The following AP3B1 variants were observed in gnomAD, a reference collection of about 807,000 sequenced individuals.
The protein encoded by AP3B1 is adaptor related protein complex 3 subunit beta 1, also known as AP-3 complex subunit beta-1.
AP3B1 carries 61 observed loss-of-function variants against 132.5 expected under a neutral mutation model. The ratio of observed to expected loss-of-function variants is 0.46; its 90% CI spans 0.37 to 0.57. The LOEUF (loss-of-function observed/expected upper bound fraction) is 0.57. AP3B1 is among the 20% of genes least tolerant of loss of function. AP3B1 has a pLI of 0.00. For synonymous variants in AP3B1, 388 were observed against 438.3 expected (o/e 0.89, Z 1.43); for missense variants, 1,120 against 1,289.4 (o/e 0.87, Z 2.01).
chr5:78,099,526 T>A (rs547052890), intron 21 of AP3B1, among the ~76,000 whole-genome samples: 210 of 152,242 alleles, frequency 1.4e-3, no homozygotes, highest in African/African-American at 4.6e-3. Flanking sequence ...AGCCATTAAA[T>A]TCAAGGGTTT....
At chr5:78,244,028 G>C (rs578060919) in intron 2 of AP3B1, among the ~76,000 whole-genome samples, 1 of 152,176 alleles carries the variant, frequency 6.6e-6, no homozygotes. Context: ...TTATGCAGAG[G>C]AAAGATAGTG....
chr5:78,260,750 G>C (rs978484002), intron 2 of AP3B1, among the ~76,000 whole-genome samples: 8 of 152,086 alleles, frequency 5.3e-5, no homozygotes, highest in African/African-American at 1.9e-4. Context: ...ATTTTTGAAA[G>C]ACAAGCTCCC....
At chr5:78,131,434 A>T (rs1752683519) in intron 15 of AP3B1, among the ~76,000 whole-genome samples, 1 of 152,094 alleles carries the variant, frequency 6.6e-6, no homozygotes, top group African/African-American at 2.4e-5. Flanking sequence ...ATCCTACTGA[A>T]TGAAGAATAG....
At chr5:78,118,218 C>G (rs901934927) in intron 17 of AP3B1, among the ~76,000 whole-genome samples, 46 of 152,276 alleles carry the variant, frequency 3.0e-4, no homozygotes, top group African/African-American at 1.1e-3. Flanking sequence ...GCCAAGATGG[C>G]CGAATAGGAA....
chr5:78,076,092 TAATA>T (rs1749755731), intron 22 of AP3B1, among the ~76,000 whole-genome samples: 1 of 152,218 alleles, frequency 6.6e-6, no homozygotes, highest in Non-Finnish European at 1.5e-5. Context: ...AAATATCAAA[TAATA>T]GTGTTTATGT....
At chr5:78,146,716 T>A (rs1753415860) in intron 14 of AP3B1, among the ~76,000 whole-genome samples, 1 of 152,172 alleles carries the variant, frequency 6.6e-6, no homozygotes, top group Non-Finnish European at 1.5e-5. Context: ...AAAATGGTGA[T>A]CTTTATAACT....
chr5:78,014,627 A>G (rs2112052380), intron 26 of AP3B1, among the ~76,000 whole-genome samples: 1 of 152,278 alleles, frequency 6.6e-6, no homozygotes, highest in African/African-American at 2.4e-5. Flanking sequence ...ATTGATAATT[A>G]TATAAGAAAG....
chr5:78,273,014 T>C (rs567375486), intron 1 of AP3B1, among the ~76,000 whole-genome samples: 1 of 152,280 alleles, frequency 6.6e-6, no homozygotes, highest in East Asian at 1.9e-4. Context: ...CTGAAATACA[T>C]ACATATACAC....
chr5:78,184,918 A>G (rs1744541314), intron 7 of AP3B1, among the ~76,000 whole-genome samples: 1 of 152,222 alleles, frequency 6.6e-6, no homozygotes, highest in Non-Finnish European at 1.5e-5. Flanking sequence ...AACAGCACAC[A>G]TTATAGTAAA....
intron 15 of AP3B1, among the ~76,000 whole-genome samples, chr5:78,140,319 C>T (rs956705305): frequency 3.3e-5 from 5 of 152,128 alleles, no homozygotes; most frequent in African/African-American, 7.2e-5. Flanking sequence ...CCACTCCATG[C>T]GTTCAAACTG....
rs1491102889 is a variant in AP3B1, at chr5:78,136,718, GGT to G, written c.1650+4423_1650+4424del. Reference sequence around the variant, plus strand: ...TTAACACGTGTAAAATTGTACTTCTGGTTTTTTTTTTTAGGTTCCTTTTTAAA... The same window carrying G: ...TTAACACGTGTAAAATTGTACTTCTGTTTTTTTTTTAGGTTCCTTTTTAAA... On this transcript the variant is annotated intron_variant, in intron 15 of 26. Coordinates refer to ENST00000255194, the MANE Select transcript of AP3B1 (RefSeq NM_003664.5). Among the ~76,000 whole-genome samples the G allele has an allele frequency of 8.6e-5, 11 of 128,476 alleles. No homozygotes were observed. The South Asian group carries it at 1.9e-3, about 22-fold the overall frequency. The allele number at this position is 128,476 out of a possible 152,430, so 84.3% of individuals were successfully genotyped here.
chr5:78,061,429 G>A (rs1749050688), intron 22 of AP3B1, among the ~76,000 whole-genome samples: 1 of 152,078 alleles, frequency 6.6e-6, no homozygotes, highest in African/African-American at 2.4e-5. Context: ...TCTTATCAAG[G>A]AATTTGAGAA....
At chr5:78,014,157 T>G (rs1474711478) in intron 26 of AP3B1, among the ~76,000 whole-genome samples, 1 of 151,194 alleles carries the variant, frequency 6.6e-6, no homozygotes, top group Non-Finnish European at 1.5e-5. Context: ...AGTAAGACTG[T>G]CTCAACAACA....
intron 18 of AP3B1, among the ~76,000 whole-genome samples, chr5:78,115,148 C>T (rs965897428): frequency 6.6e-6 from 1 of 152,134 alleles, no homozygotes; most frequent in African/African-American, 2.4e-5. Context: ...ATCCAAGTTA[C>T]ACGCACATAC....
At chr5:78,070,998 G>C (rs1007469187) in intron 22 of AP3B1, among the ~76,000 whole-genome samples, 11 of 152,320 alleles carry the variant, frequency 7.2e-5, no homozygotes, top group African/African-American at 2.6e-4. Context: ...AAGACAATGA[G>C]GTTATTCCTC....
chr5:78,121,590 T>C (rs1752198924), intron 17 of AP3B1: 1 of 151,908 alleles, frequency 6.6e-6, no homozygotes, highest in Non-Finnish European at 1.5e-5. Context: ...AACTAGAAAA[T>C]CTAGAAGAAA....
chr5:78,203,184 G>C (rs1481687702), intron 7 of AP3B1, among the ~76,000 whole-genome samples: 3 of 152,014 alleles, frequency 2.0e-5, no homozygotes, highest in Non-Finnish European at 4.4e-5. Flanking sequence ...TTGAAAATGT[G>C]ATCTTTATGT....
intron 22 of AP3B1, among the ~76,000 whole-genome samples, chr5:78,044,416 A>G (rs1248589724): frequency 6.6e-6 from 1 of 152,220 alleles, no homozygotes; most frequent in Non-Finnish European, 1.5e-5. Flanking sequence ...GACAGGTCTT[A>G]CTTTTATTCT....
intron 14 of AP3B1, among the ~76,000 whole-genome samples, chr5:78,153,704 A>G (rs978991802): frequency 1.3e-5 from 2 of 151,886 alleles, no homozygotes; most frequent in Non-Finnish European, 2.9e-5. Context: ...CTTGTTTTTT[A>G]TATTTTGTGT....
Sources: allele counts gnomAD v4.1 joint callset (sites outside exome capture counted in the v4.1 genomes callset), GRCh38; gene constraint gnomAD v4.1.1; transcripts MANE v1.5; gene names NCBI Gene and HGNC (gene_info 2026-07-23, HGNC 2026-07-21).